ELF1: variants seen among roughly 807,000 people sequenced by gnomAD.
ELF1 encodes E74 like ETS transcription factor 1.
ELF1 carries 24 observed loss-of-function variants against 59.9 expected under a neutral mutation model. The ratio of observed to expected loss-of-function variants is 0.40; its 90% CI spans 0.29 to 0.56. The LOEUF (loss-of-function observed/expected upper bound fraction) is 0.56, where lower values mean the gene tolerates loss of function less well. Ranked by LOEUF, ELF1 falls within the 20% of genes least tolerant of loss-of-function variation. The probability of loss-of-function intolerance (pLI) is 0.44; values close to 1 mark genes in which losing one functional copy is unlikely to be tolerated. For synonymous variants in ELF1, 248 were observed against 266.2 expected (o/e 0.93, Z 0.67); for missense variants, 627 against 742.2 (o/e 0.84, Z 1.80).
intron 1 of ELF1, among the ~76,000 whole-genome samples, chr13:41,058,743 T>G (rs1224295722): frequency 1.3e-5 from 2 of 151,984 alleles, no homozygotes; most frequent in African/African-American, 4.8e-5. Context: ...GAGGCCGAGG[T>G]GGGTGGATCA....
chr13:40,991,093 C>T (rs922211530), intron 1 of ELF1, among the ~76,000 whole-genome samples: 1 of 152,122 alleles, frequency 6.6e-6, no homozygotes, highest in Non-Finnish European at 1.5e-5. Context: ...AAACATCAGA[C>T]AAATCTCCAC....
At chr13:40,954,578 C>A (rs1401899046) in intron 3 of ELF1, among the ~76,000 whole-genome samples, 1 of 152,102 alleles carries the variant, frequency 6.6e-6, no homozygotes, top group Admixed American at 6.5e-5. Context: ...CTGCCGAGTG[C>A]CTGCGATTGC....
intron 3 of ELF1, among the ~76,000 whole-genome samples, chr13:40,955,409 C>G (rs1398846536): frequency 7.2e-6 from 1 of 139,106 alleles, no homozygotes; most frequent in Non-Finnish European, 1.6e-5. Flanking sequence ...GCTGCCCATC[C>G]GGGAAGGAGG....
At chr13:41,049,983 A>G (rs1877019224) in intron 1 of ELF1, among the ~76,000 whole-genome samples, 1 of 152,252 alleles carries the variant, frequency 6.6e-6, no homozygotes, top group African/African-American at 2.4e-5. Flanking sequence ...TGCATAGAGT[A>G]TCCACATACA....
intron 1 of ELF1, among the ~76,000 whole-genome samples, chr13:41,034,430 C>T (rs552559810): frequency 3.9e-5 from 6 of 152,208 alleles, no homozygotes; most frequent in East Asian, 1.9e-4. Context: ...GACTTCTTTG[C>T]GCTATTTAAG....
chr13:40,937,619 G>A (rs1325122432), intron 8 of ELF1, among the ~76,000 whole-genome samples: 2 of 151,920 alleles, frequency 1.3e-5, no homozygotes, highest in Non-Finnish European at 2.9e-5. Flanking sequence ...ACAGGCGCCC[G>A]CCACTACGCC....
intron 1 of ELF1, among the ~76,000 whole-genome samples, chr13:40,996,603 T>C (rs562643472): frequency 6.6e-6 from 1 of 152,268 alleles, no homozygotes; most frequent in South Asian, 2.1e-4. Context: ...GAACTTCAAG[T>C]GACAAAGTGT....
intron 1 of ELF1, among the ~76,000 whole-genome samples, chr13:40,995,042 A>G (rs1248905209): frequency 6.6e-6 from 1 of 152,208 alleles, no homozygotes; most frequent in East Asian, 1.9e-4. Context: ...CCCACACAGC[A>G]TAACTCTCTT....
rs184039650 is a variant in ELF1, at chr13:40,947,927, G to A, written c.529+1879C>T. On this transcript the variant is annotated intron_variant, in intron 5 of 8. Coordinates refer to ENST00000239882, the MANE Select transcript of ELF1 (RefSeq NM_172373.4). ...GAACAAAAACATGGTCGAAGAATAA[G>A]GCTATTAAAAAAGACTAGGTGGGAA... Among the ~76,000 whole-genome samples the A allele has an allele frequency of 5.7e-3, 872 of 152,236 alleles. 8 individuals are homozygous for A. Among genetic ancestry groups the A allele is most frequent in the South Asian group, 0.014 (69 of 4,832 alleles).
rs201253239 is a variant in ELF1 at position 40,958,941 on chromosome 13, C to T, written c.148G>A (p.Gly50Ser). The change falls in exon 3 of 9, where the codon GGT (glycine) becomes AGT (serine). Residue 50 changes from glycine (G) to serine (S), a missense_variant. This residue lies in a region of ELF1 where 232 missense variants were observed against 269.2 expected (regional missense o/e 0.86). Coordinates refer to ENST00000239882, the MANE Select transcript of ELF1 (RefSeq NM_172373.4). ...PGADILNSYA[G>S]LACVEEPNDM... Reference sequence around the variant, plus strand: ...TTGGGCTCTTCCACACAGGCTAGACCGGCATAACTATTGAGAATATCAGCA... The same window carrying T: ...TTGGGCTCTTCCACACAGGCTAGACTGGCATAACTATTGAGAATATCAGCA... 7.5e-5 allele frequency: 121 copies of T among 1,613,664 alleles called. No individual in the cohort carries two copies. Among genetic ancestry groups the T allele is most frequent in the Non-Finnish European group, 2.7e-5 (32 of 1,179,926 alleles).
At chr13:41,032,449 C>T (rs1876203562) in intron 1 of ELF1, among the ~76,000 whole-genome samples, 1 of 151,962 alleles carries the variant, frequency 6.6e-6, no homozygotes, top group Non-Finnish European at 1.5e-5. Flanking sequence ...AACTCCTGAC[C>T]TCAGGTGATC....
chr13:40,942,480 A>G (rs1464304672), intron 7 of ELF1, among the ~76,000 whole-genome samples: 2 of 152,202 alleles, frequency 1.3e-5, no homozygotes, highest in Middle Eastern at 3.2e-3. Flanking sequence ...TTATTCTACT[A>G]TAATAACTAA....
At position 40,933,807 on chromosome 13, in the gene ELF1, G is replaced by A; in HGVS notation, c.1478C>T (p.Ser493Phe). The A allele has an allele frequency of 1.2e-6, 2 of 1,614,276 alleles. No individual in the cohort carries two copies. The highest frequency in any genetic ancestry group is 1.7e-6 in the Non-Finnish European group (2 of 1,180,050). Residue 493 changes from serine to phenylalanine, a missense_variant, in exon 9 of 9, where the codon TCT becomes TTT. By Grantham distance (155) the Ser-to-Phe change is radical. Coordinates refer to ENST00000239882, the MANE Select transcript of ELF1 (RefSeq NM_172373.4). Reference sequence around the variant, plus strand: ...AGGGCCCAAGACAATTGAAGGAGGAGAGCCCGCCTTTTGTGACTGCAGCAT... The same window carrying A: ...AGGGCCCAAGACAATTGAAGGAGGAAAGCCCGCCTTTTGTGACTGCAGCAT... The part of the protein sequence containing the change: ...NVMLQSQKAG[S>F]PPSIVLGPAQ...
rs1270819474 is a variant in ELF1 at position 41,031,146 on chromosome 13, G to A, written c.-229+29692C>T. Among the ~76,000 whole-genome samples the A allele has an allele frequency of 1.4e-4, 20 of 147,204 alleles. 1 individual carries two copies. The highest frequency in any genetic ancestry group is 1.2e-3 in the Admixed American group (18 of 14,710). On this transcript the variant is annotated intron_variant, in intron 1 of 1. Transcript: ENST00000405737. ...TGCTCTACAGCCTGGGTGAAAGAGT[G>A]AGACCCTATTAAAAAAAAAAAAAAG...
At chr13:40,934,230 G>A (rs1267900792) in intron 8 of ELF1, among the ~76,000 whole-genome samples, 1 of 151,986 alleles carries the variant, frequency 6.6e-6, no homozygotes, top group Non-Finnish European at 1.5e-5. Flanking sequence ...AAAACTCTCA[G>A]GCCATTAACT....
chr13:41,043,498 A>T (rs536511221), intron 1 of ELF1, among the ~76,000 whole-genome samples: 82 of 152,220 alleles, frequency 5.4e-4, no homozygotes, highest in African/African-American at 1.8e-3. Flanking sequence ...TAAGGAAGGG[A>T]TCCAGTTTCA....
intron 3 of ELF1, among the ~76,000 whole-genome samples, chr13:40,953,297 T>A (rs1870981169): frequency 6.6e-6 from 1 of 152,176 alleles, no homozygotes. Flanking sequence ...TTTAATATCA[T>A]CTATTATAGG....
At chr13:40,944,778 C>T (rs1870403365) in intron 5 of ELF1, among the ~76,000 whole-genome samples, 1 of 152,114 alleles carries the variant, frequency 6.6e-6, no homozygotes, top group South Asian at 2.1e-4. Context: ...CCTACCCAAA[C>T]ATCCTTGAGG....
intron 2 of ELF1, among the ~76,000 whole-genome samples, chr13:40,981,618 A>G (rs1206216251): frequency 6.6e-6 from 1 of 152,146 alleles, no homozygotes; most frequent in Non-Finnish European, 1.5e-5. Flanking sequence ...TTGAAGAAGT[A>G]GCCCATGATT....
Sources: allele counts gnomAD v4.1 joint callset (sites outside exome capture counted in the v4.1 genomes callset), GRCh38; gene constraint gnomAD v4.1.1; regional missense constraint gnomAD v4.1.1; transcripts MANE v1.5; gene names NCBI Gene and HGNC (gene_info 2026-07-23, HGNC 2026-07-21).